Variants in ABLIM1 observed in about 807,000 individuals in gnomAD.
ABLIM1 encodes actin-binding LIM protein 1.
In ABLIM1, 40 loss-of-function variants were observed where a neutral mutation model predicts 107.0. The ratio of observed to expected loss-of-function variants is 0.37; its 90% CI spans 0.29 to 0.49. ABLIM1 has a LOEUF of 0.49. ABLIM1 is among the 20% of genes least tolerant of loss of function. ABLIM1 has a pLI of 0.97. For synonymous variants in ABLIM1, 357 were observed against 357.3 expected, an observed-to-expected ratio of 1.00 and a Z score of 0.01; for missense variants, 857 against 1,008.5, an observed-to-expected ratio of 0.85 and a Z score of 2.04.
chr10:114,703,707 T>C (rs1254286034), intron 1 of ABLIM1, among the ~76,000 whole-genome samples: 1 of 152,234 alleles, frequency 6.6e-6, no homozygotes, highest in East Asian at 1.9e-4. Flanking sequence ...ACATGCTCTA[T>C]AAATGCTTTT....
chr10:114,716,381 CAGTT>C (rs1437010885), intron 1 of ABLIM1, among the ~76,000 whole-genome samples: 1 of 151,112 alleles, frequency 6.6e-6, no homozygotes, highest in Non-Finnish European at 1.5e-5. Context: ...GAGTTTTTCA[CAGTT>C]AGTGTTCTCA....
chr10:114,752,032 A>G (rs1195391119), intron 1 of ABLIM1, among the ~76,000 whole-genome samples: 1 of 152,194 alleles, frequency 6.6e-6, no homozygotes. Context: ...CTCAAGTAAC[A>G]TTACATAAGA....
chr10:114,494,766 C>T (rs1388530848), intron 6 of ABLIM1, among the ~76,000 whole-genome samples: 6 of 152,216 alleles, frequency 3.9e-5, no homozygotes, highest in Admixed American at 2.0e-4. Flanking sequence ...TGTTGAGACA[C>T]TAGGGTAAGT....
upstream of ABLIM1, among the ~76,000 whole-genome samples, chr10:114,685,350 T>C (rs537093438): frequency 1.2e-3 from 177 of 152,156 alleles, no homozygotes; most frequent in Non-Finnish European, 2.2e-3. Context: ...CCAATAAAGA[T>C]GTAACCAGCA....
At chr10:114,589,056 T>C (rs943678998) in intron 2 of ABLIM1, among the ~76,000 whole-genome samples, 7 of 152,188 alleles carry the variant, frequency 4.6e-5, no homozygotes, top group Non-Finnish European at 8.8e-5. Context: ...TGGCCTAGTA[T>C]AATGTGTACA....
At position 114,575,593 on chromosome 10, in the gene ABLIM1, C is replaced by A. The variant is rs778293158; in HGVS notation, c.386G>T (p.Gly129Val). 2 of 1,613,196 alleles carry A rather than the reference C, an allele frequency of 1.2e-6. No homozygotes were observed. The highest frequency in any genetic ancestry group is 1.7e-6 in the Non-Finnish European group (2 of 1,179,500). ...GAAGCCCCCTTGTGCCAGGTCACAGCCACACACTGTAGAGAGACAAGTTCA... is the reference window on the plus strand; with the variant it reads ...GAAGCCCCCTTGTGCCAGGTCACAGACACACACTGTAGAGAGACAAGTTCA... ...HIKCFTCKVC[G>V]CDLAQGGFFI... The change falls in exon 3 of 23, where the codon GGC becomes GTC. Residue 129 changes from glycine (G) to valine (V), a missense_variant. Gly to Val is a moderately radical substitution (Grantham distance 109, BLOSUM62 -3). Around this residue, in one of 5 missense-constraint regions of ABLIM1, gnomAD observed 176 missense variants for 173.5 expected, o/e 1.01. Transcript: ENST00000533213.
At chr10:114,755,584 A>G (rs2082612266) in intron 1 of ABLIM1, among the ~76,000 whole-genome samples, 1 of 152,226 alleles carries the variant, frequency 6.6e-6, no homozygotes, top group Non-Finnish European at 1.5e-5. Context: ...GGCATGAATG[A>G]GTGAACACCA....
At chr10:114,768,150 C>A, upstream of ABLIM1, 1 of 320,498 alleles carries the variant, frequency 3.1e-6, no homozygotes, top group South Asian at 2.2e-5. Context: ...AGCCCCGGAG[C>A]GCCCGCCCGG....
intron 6 of ABLIM1, among the ~76,000 whole-genome samples, chr10:114,492,913 G>T (rs2059196025): frequency 6.6e-6 from 1 of 152,156 alleles, no homozygotes; most frequent in South Asian, 2.1e-4. Context: ...CACGTGAGGT[G>T]GTGGTTAGCC....
intron 1 of ABLIM1, among the ~76,000 whole-genome samples, chr10:114,738,695 T>C (rs2082230277): frequency 6.6e-6 from 1 of 152,168 alleles, no homozygotes; most frequent in Admixed American, 6.5e-5. Context: ...ATAGTTTTAC[T>C]GTGCCTCAAA....
chr10:114,554,270 C>T (rs917300714), intron 4 of ABLIM1, among the ~76,000 whole-genome samples: 1 of 152,180 alleles, frequency 6.6e-6, no homozygotes, highest in Admixed American at 6.5e-5. Flanking sequence ...AGACCAGCCT[C>T]ATTGCCGGTC....
At chr10:114,483,692 G>A (rs1224484222) in intron 8 of ABLIM1, among the ~76,000 whole-genome samples, 1 of 152,170 alleles carries the variant, frequency 6.6e-6, no homozygotes, top group Non-Finnish European at 1.5e-5. Flanking sequence ...AGAAGGTGAA[G>A]GTTTAACAAA....
intron 8 of ABLIM1, among the ~76,000 whole-genome samples, chr10:114,487,671 T>C (rs543979229): frequency 5.9e-5 from 9 of 152,330 alleles, no homozygotes; most frequent in African/African-American, 2.2e-4. Context: ...TGAGTCGTTG[T>C]TTTCCCATCT....
the ABLIM1 span, among the ~76,000 whole-genome samples, chr10:114,795,858 G>A: frequency 3.3e-5 from 5 of 152,176 alleles, no homozygotes; most frequent in South Asian, 2.1e-4. Context: ...TGGTAGGGAT[G>A]TAAAATTACT....
At chr10:114,440,889 C>T (rs769643182) in intron 19 of ABLIM1, 128 bp downstream of exon 19, 39 of 941,372 alleles carry the variant, frequency 4.1e-5, no homozygotes, top group Non-Finnish European at 6.1e-5. Context: ...TATTAGCTCA[C>T]AGAAGACAGA....
intron 1 of ABLIM1, among the ~76,000 whole-genome samples, chr10:114,648,241 G>A (rs2079088464): frequency 6.6e-6 from 1 of 152,176 alleles, no homozygotes. Flanking sequence ...GTTCATAGCA[G>A]CATTATTCAT....
rs115178364 is a variant in ABLIM1, at chr10:114,706,842, G to C, written c.-213+61219C>G. ...TGCTACTGTGATTCATTATGTTTCA[G>C]TTTTCTTCTACTTTAAAAAAAAAAA... On this transcript the variant is annotated intron_variant, in intron 1 of 15. Transcript: ENST00000651092. 9.4e-3 allele frequency among the ~76,000 whole-genome samples: 1,423 copies of C among 151,648 alleles called. 23 individuals are homozygous for C. The highest frequency in any genetic ancestry group is 0.033 in the African/African-American group (1,370 of 41,342).
At chr10:114,439,780 C>T in intron 20 of ABLIM1, 1 of 445,174 alleles carries the variant, frequency 2.2e-6, no homozygotes, top group East Asian at 3.8e-5. Context: ...AGAAGAAAAA[C>T]TGTATATGAG....
chr10:114,745,750 A>C lies in ABLIM1; in HGVS notation c.-213+22311T>G, dbSNP rs1375323099. 2.6e-5 allele frequency among the ~76,000 whole-genome samples: 4 copies of C among 152,294 alleles called. No individual in the cohort carries two copies. In the East Asian group the frequency reaches 7.7e-4, roughly 29 times the overall value. On this transcript the variant is annotated intron_variant, in intron 1 of 15. Transcript: ENST00000651092. Reference sequence around the variant, plus strand: ...CAGCTACTTGGGAGGCTGAGGTAGGAGAATCGCTTGAACCCAGGAGGTGGA... The same window carrying C: ...CAGCTACTTGGGAGGCTGAGGTAGGCGAATCGCTTGAACCCAGGAGGTGGA...
Sources: allele counts gnomAD v4.1 joint callset (sites outside exome capture counted in the v4.1 genomes callset), GRCh38; gene constraint gnomAD v4.1.1; regional missense constraint gnomAD v4.1.1; transcripts MANE v1.5; gene names NCBI Gene and HGNC (gene_info 2026-07-23, HGNC 2026-07-21).